The following OR51B5 variants were observed in gnomAD, a reference collection of about 807,000 sequenced individuals.
OR51B5 encodes olfactory receptor 51B5.
For missense variants in OR51B5, 456 were observed against 374.6 expected, an observed-to-expected ratio of 1.22 and a Z score of -1.79; for synonymous variants, 186 against 144.8, an observed-to-expected ratio of 1.28 and a Z score of -2.04.
intron 1 of OR51B5, among the ~76,000 whole-genome samples, chr11:5,496,914 T>G (rs565955692): frequency 6.6e-6 from 1 of 152,160 alleles, no homozygotes; most frequent in Non-Finnish European, 1.5e-5. Flanking sequence ...TAGACAGCAC[T>G]TCATTAGAGT....
chr11:5,398,644 G>A (rs1275265703), intron 1 of OR51B5, among the ~76,000 whole-genome samples: 2 of 152,112 alleles, frequency 1.3e-5, no homozygotes, highest in Non-Finnish European at 2.9e-5. Context: ...CTATATGTCG[G>A]GGGAGGGACC....
chr11:5,372,582 C>G (rs1849463197), intron 1 of OR51B5, among the ~76,000 whole-genome samples: 1 of 152,090 alleles, frequency 6.6e-6, no homozygotes, highest in South Asian at 2.1e-4. Flanking sequence ...ATATTCAGAT[C>G]CTTTGCCCAT....
rs111729368 is a variant in OR51B5, at chr11:5,487,239, G to A, written n.84+18330C>T. ...AATGATAACTGTACTCTCTTTTATC[G>A]AGAGTATATGTTGTTAAAATATAAA... is the stretch of plus-strand genomic sequence containing the variant. On this transcript the variant is annotated intron_variant and non_coding_transcript_variant, in intron 1 of 4. Coordinates refer to the OR51B5 transcript ENST00000415970. Among the ~76,000 whole-genome samples, 336 of 152,166 alleles carry A rather than the reference G, an allele frequency of 2.2e-3. 3 individuals are homozygous for A. The highest frequency in any genetic ancestry group is 3.4e-3 in the Middle Eastern group (1 of 294).
intron 1 of OR51B5, among the ~76,000 whole-genome samples, chr11:5,495,807 C>G (rs964532193): frequency 1.1e-4 from 16 of 152,150 alleles, no homozygotes; most frequent in Non-Finnish European, 1.5e-5. Context: ...ATGGATAAAA[C>G]AAGATCCAAC....
intron 1 of OR51B5, chr11:5,468,520 C>G (rs1851173115): frequency 2.7e-6 from 1 of 367,878 alleles, no homozygotes; most frequent in African/African-American, 2.1e-5. Flanking sequence ...CTTGTGTAGT[C>G]TCCTGCGAAT....
At chr11:5,414,798 A>C (rs190962578) in intron 1 of OR51B5, among the ~76,000 whole-genome samples, 2 of 152,214 alleles carry the variant, frequency 1.3e-5, no homozygotes, top group Non-Finnish European at 2.9e-5. Flanking sequence ...ACCTACAAAG[A>C]GATTTAGACT....
chr11:5,463,871 A>G lies in OR51B5; in HGVS notation n.84+41698T>C, dbSNP rs1343119501. 2.0e-5 allele frequency among the ~76,000 whole-genome samples: 3 copies of G among 152,308 alleles called. No homozygotes were observed. The Middle Eastern group carries it at 0.01, about 518-fold the overall frequency. On this transcript the variant is annotated intron_variant and non_coding_transcript_variant, in intron 1 of 4. Transcript: ENST00000415970. ...CAAATATTCCTTTTAAAATGCTTTT[A>G]AATTCCTTCTCACAAAGCCTCACCA...
rs993908293 is a variant in OR51B5, at chr11:5,477,963, T to G, written n.84+27606A>C. Among the ~76,000 whole-genome samples, 431 of 151,890 alleles carry G rather than the reference T, an allele frequency of 2.8e-3. 1 individual carries two copies. The highest frequency in any genetic ancestry group is 9.7e-3 in the African/African-American group (402 of 41,426). ...GCGCCCGCCATTGCCCAGGCTTGCT[T>G]AGGTAAACAAAGCAGCCGGGAAGCT... is the stretch of plus-strand genomic sequence containing the variant. On this transcript the variant is annotated intron_variant and non_coding_transcript_variant, in intron 1 of 4. Coordinates refer to the OR51B5 transcript ENST00000415970.
At chr11:5,418,412 A>AAAAAC (rs139391446) in intron 1 of OR51B5, among the ~76,000 whole-genome samples, 30 of 150,392 alleles carry the variant, frequency 2.0e-4, no homozygotes, top group Middle Eastern at 3.4e-3. Context: ...TAATAATAAT[A>AAAAAC]AAAACAAAAC....
chr11:5,422,920 C>T (rs118011081), intron 1 of OR51B5: 32,354 of 1,614,030 alleles, frequency 0.02, 405 homozygotes, highest in Non-Finnish European at 0.024. Flanking sequence ...TCCGTGCCCT[C>T]AATAACTGCC....
chr11:5,457,678 G>T (rs2133791121), intron 1 of OR51B5, among the ~76,000 whole-genome samples: 1 of 152,244 alleles, frequency 6.6e-6, no homozygotes, highest in South Asian at 2.1e-4. Context: ...GGTATGAGAT[G>T]ATATCTCATT....
intron 1 of OR51B5, among the ~76,000 whole-genome samples, chr11:5,484,274 A>G (rs939893407): frequency 2.0e-5 from 3 of 152,162 alleles, no homozygotes; most frequent in Admixed American, 2.0e-4. Context: ...GTGAACCTAA[A>G]TGATACTCAA....
intron 1 of OR51B5, among the ~76,000 whole-genome samples, chr11:5,383,092 A>T (rs567511492): frequency 2.3e-4 from 35 of 150,066 alleles, no homozygotes; most frequent in African/African-American, 8.3e-4. Flanking sequence ...GTACAAGACT[A>T]TTTTTTTTTT....
At chr11:5,489,479 C>G (rs1564831324) in intron 1 of OR51B5, 5 of 1,614,052 alleles carry the variant, frequency 3.1e-6, no homozygotes, top group African/African-American at 2.7e-5. Flanking sequence ...TACATCCCTG[C>G]CTTCTTCTCC....
intron 1 of OR51B5, among the ~76,000 whole-genome samples, chr11:5,446,627 TAAAGA>T (rs980099184): frequency 1.3e-5 from 2 of 152,198 alleles, no homozygotes; most frequent in African/African-American, 2.4e-5. Flanking sequence ...TTTATATGAC[TAAAGA>T]AAAGAATCAA....
rs533113947 is a variant in OR51B5, at chr11:5,378,605, A to T, written n.85-31695T>A. The stretch of plus-strand genomic sequence containing the variant: ...TCCAGAATCTATAATGAACTCAAAC[A>T]AATTTACAAGAAAAAAACAAACAGC... On this transcript the variant is annotated intron_variant and non_coding_transcript_variant, in intron 1 of 4. Transcript: ENST00000415970. 6.8e-4 allele frequency among the ~76,000 whole-genome samples: 103 copies of T among 152,378 alleles called. 2 individuals carry two copies. The South Asian group carries it at 0.02, about 30-fold the overall frequency.
rs531568575 is a variant in OR51B5 at position 5,401,126 on chromosome 11, G to A, written n.85-54216C>T. ...CTCAAAACACACCCAATCCAGGCAG[G>A]TGGTTTTCTCTTTCCCTCTATTGCC... On this transcript the variant is annotated intron_variant and non_coding_transcript_variant, in intron 1 of 4. Transcript: ENST00000415970. 5.9e-5 allele frequency among the ~76,000 whole-genome samples: 9 copies of A among 152,262 alleles called. No homozygotes were observed. The South Asian group carries it at 1.0e-3, about 18-fold the overall frequency.
chr11:5,417,038 C>T (rs1415571119), intron 1 of OR51B5, among the ~76,000 whole-genome samples: 1 of 148,876 alleles, frequency 6.7e-6, no homozygotes, highest in Admixed American at 6.8e-5. Flanking sequence ...TACTACAAGG[C>T]TACAGTAAAC....
chr11:5,456,859 T>C (rs913449702), intron 1 of OR51B5, among the ~76,000 whole-genome samples: 1 of 152,194 alleles, frequency 6.6e-6, no homozygotes, highest in Non-Finnish European at 1.5e-5. Flanking sequence ...GTTGTTCTCA[T>C]GATAGTGAGT....
Sources: allele counts gnomAD v4.1 joint callset (sites outside exome capture counted in the v4.1 genomes callset), GRCh38; gene constraint gnomAD v4.1.1; transcripts MANE v1.5; gene names NCBI Gene and HGNC (gene_info 2026-07-23, HGNC 2026-07-21).